MTHFD2L: variants seen among roughly 807,000 people sequenced by gnomAD.
The protein encoded by MTHFD2L is methylenetetrahydrofolate dehydrogenase (NADP+ dependent) 2 like.
Under a neutral mutation model 34.9 loss-of-function variants are expected in MTHFD2L, and 29 were observed. That is an observed-to-expected ratio of 0.83 (90% CI 0.62 to 1.13). MTHFD2L has a LOEUF of 1.13. MTHFD2L is among the 50% of genes most tolerant of loss of function. The pLI is 0.00. For synonymous variants in MTHFD2L, 167 were observed against 155.7 expected (o/e 1.07, Z -0.54); for missense variants, 481 against 446.5 (o/e 1.08, Z -0.70).
chr4:74,296,674 C>T (rs949168272), intron 7 of MTHFD2L, among the ~76,000 whole-genome samples: 7 of 151,932 alleles, frequency 4.6e-5, no homozygotes, highest in Non-Finnish European at 1.0e-4. Flanking sequence ...CCTTTCCCAC[C>T]GTTAGAAATA....
At chr4:74,249,878 A>G (rs1299796981) in intron 6 of MTHFD2L, among the ~76,000 whole-genome samples, 1 of 152,118 alleles carries the variant, frequency 6.6e-6, no homozygotes, top group Non-Finnish European at 1.5e-5. Flanking sequence ...TTCCCTTTGT[A>G]GGTAACCCGA....
chr4:74,142,289 A>G (rs1478940888), intron 1 of MTHFD2L, among the ~76,000 whole-genome samples: 1 of 152,244 alleles, frequency 6.6e-6, no homozygotes, highest in East Asian at 1.9e-4. Flanking sequence ...CAAAATTCAT[A>G]CATTGAAATC....
At chr4:74,220,445 C>T (rs1031001278) in intron 5 of MTHFD2L, among the ~76,000 whole-genome samples, 5 of 151,798 alleles carry the variant, frequency 3.3e-5, no homozygotes, top group Admixed American at 1.3e-4. Context: ...TCTATATTAA[C>T]CTTAGTATCA....
chr4:74,292,858 A>T (rs1260682806), intron 7 of MTHFD2L, among the ~76,000 whole-genome samples: 3 of 151,636 alleles, frequency 2.0e-5, no homozygotes, highest in African/African-American at 7.3e-5. Flanking sequence ...ATTTTATTTT[A>T]TTATTATTAT....
At chr4:74,154,621 C>T (rs1252496909), upstream of MTHFD2L, among the ~76,000 whole-genome samples, 1 of 152,120 alleles carries the variant, frequency 6.6e-6, no homozygotes, top group Non-Finnish European at 1.5e-5. Flanking sequence ...GACATATCCC[C>T]ATCAATGTGG....
At chr4:74,238,919 C>T (rs1741269981) in intron 6 of MTHFD2L, among the ~76,000 whole-genome samples, 1 of 152,190 alleles carries the variant, frequency 6.6e-6, no homozygotes, top group African/African-American at 2.4e-5. Flanking sequence ...TTGTGGAAGA[C>T]AGTATGGTGG....
At chr4:74,269,568 T>G (rs1745707113) in intron 6 of MTHFD2L, among the ~76,000 whole-genome samples, 1 of 151,832 alleles carries the variant, frequency 6.6e-6, no homozygotes, top group Non-Finnish European at 1.5e-5. Context: ...TAATAATAAA[T>G]AATGTATAAA....
chr4:74,175,075 A>G (rs1728767761), intron 2 of MTHFD2L, among the ~76,000 whole-genome samples: 1 of 152,174 alleles, frequency 6.6e-6, no homozygotes, highest in South Asian at 2.1e-4. Context: ...TCAAACAAGT[A>G]CAAATTGTCA....
intron 7 of MTHFD2L, among the ~76,000 whole-genome samples, chr4:74,297,151 A>T (rs1412408202): frequency 6.6e-6 from 1 of 152,080 alleles, no homozygotes; most frequent in African/African-American, 2.4e-5. Flanking sequence ...AGGTCATCCA[A>T]ATAAATTATT....
chr4:74,222,364 T>G (rs1053633786), intron 5 of MTHFD2L, among the ~76,000 whole-genome samples: 2 of 152,106 alleles, frequency 1.3e-5, no homozygotes, highest in African/African-American at 4.8e-5. Context: ...GCCTTCTTAC[T>G]GCATCATCTC....
chr4:74,158,035 T>C (rs1724492853), upstream of MTHFD2L: 3 of 1,498,100 alleles, frequency 2.0e-6, no homozygotes, highest in Admixed American at 5.9e-5. Context: ...GAAGCGCTAC[T>C]TGCTGCCCTG....
At chr4:74,205,994 A>C (rs113546940) in intron 5 of MTHFD2L, among the ~76,000 whole-genome samples, 2 of 152,198 alleles carry the variant, frequency 1.3e-5, no homozygotes, top group Admixed American at 6.5e-5. Flanking sequence ...ACTAATTATT[A>C]GAATGTTTGA....
intron 1 of MTHFD2L, among the ~76,000 whole-genome samples, chr4:74,127,554 T>C (rs1051841933): frequency 2.0e-5 from 3 of 152,150 alleles, no homozygotes; most frequent in East Asian, 3.8e-4. Context: ...TCCAGTTCCA[T>C]CTATGTTGCT....
intron 3 of MTHFD2L, among the ~76,000 whole-genome samples, chr4:74,178,426 A>G (rs1729468345): frequency 1.3e-5 from 2 of 152,052 alleles, no homozygotes; most frequent in African/African-American, 4.8e-5. Flanking sequence ...TGGATTTTAT[A>G]TCTGTAGAAA....
chr4:74,121,960 G>A (rs1378415320), upstream of MTHFD2L, among the ~76,000 whole-genome samples: 2 of 151,934 alleles, frequency 1.3e-5, no homozygotes, highest in Non-Finnish European at 2.9e-5. Context: ...CAAACCTGTT[G>A]AAACCTTGAT....
rs1747590541 is a variant in MTHFD2L, at chr4:74,282,219, A to G, written c.931+669A>G. ...CCTCTAATCTGATTTTACTTCCGTTATCTTTGTCATATATTTACCTGCATT... is the reference window on the plus strand; with the variant it reads ...CCTCTAATCTGATTTTACTTCCGTTGTCTTTGTCATATATTTACCTGCATT... On this transcript the variant is annotated intron_variant, in intron 7 of 7. Transcript: ENST00000325278. Among the ~76,000 whole-genome samples, 3 of 152,104 alleles carry G rather than the reference A, an allele frequency of 2.0e-5. No homozygotes were observed. In the South Asian group the frequency reaches 6.2e-4, roughly 31 times the overall value.
intron 3 of MTHFD2L, among the ~76,000 whole-genome samples, chr4:74,189,665 A>G (rs968893394): frequency 1.3e-5 from 2 of 152,068 alleles, no homozygotes; most frequent in African/African-American, 4.8e-5. Flanking sequence ...GCTCAAATCT[A>G]TAGAATTACA....
intron 7 of MTHFD2L, among the ~76,000 whole-genome samples, chr4:74,282,962 T>G (rs1260248445): frequency 2.0e-5 from 3 of 151,990 alleles, no homozygotes; most frequent in Non-Finnish European, 4.4e-5. Context: ...TATTTGAATT[T>G]CTCAACTTGA....
At chr4:74,296,526 T>C (rs140963309) in intron 7 of MTHFD2L, among the ~76,000 whole-genome samples, 1 of 152,228 alleles carries the variant, frequency 6.6e-6, no homozygotes, top group East Asian at 1.9e-4. Flanking sequence ...TAAGCAGAAG[T>C]GTGAAAACCG....
Sources: allele counts gnomAD v4.1 joint callset (sites outside exome capture counted in the v4.1 genomes callset), GRCh38; gene constraint gnomAD v4.1.1; transcripts MANE v1.5; gene names NCBI Gene and HGNC (gene_info 2026-07-23, HGNC 2026-07-21).